USP47: variants seen among roughly 807,000 people sequenced by gnomAD.
USP47 encodes ubiquitin carboxyl-terminal hydrolase 47.
USP47 carries 35 observed loss-of-function variants against 165.1 expected under a neutral mutation model. That is an observed-to-expected ratio of 0.21 (90% confidence interval 0.16 to 0.28). The LOEUF (loss-of-function observed/expected upper bound fraction) is 0.28. USP47 is among the 10% of genes least tolerant of loss of function. The pLI, the probability that USP47 is intolerant of heterozygous loss-of-function variation, is 1.00. For synonymous variants in USP47, 531 were observed against 544.5 expected (o/e 0.98, Z 0.35); for missense variants, 1,277 against 1,607.4 (o/e 0.79, Z 3.52).
chr11:11,871,501 CAAAAAAAAAAA>C lies in USP47; in HGVS notation c.40-8649_40-8639del, dbSNP rs71037046. Among the ~76,000 whole-genome samples, 140 of 63,136 alleles carry C rather than the reference CAAAAAAAAAAA, an allele frequency of 2.2e-3. 1 individual carries two copies. The highest frequency in any genetic ancestry group is 4.2e-3 in the Non-Finnish European group (124 of 29,766). The allele number at this position is 63,136 out of a possible 152,430, so 41.4% of individuals were successfully genotyped here. On this transcript the variant is annotated intron_variant, in intron 1 of 27. Transcript: ENST00000527733. ...CTGGCAACAGAGCGAAACTCCCTCT[CAAAAAAAAAAA>C]AAAAAAAAAAAAAAAAAAAAAAAAA...
In USP47 at chr11:11,886,315, T is replaced by C. The variant is rs569889970; in HGVS notation, c.357+1735T>C. Among the ~76,000 whole-genome samples, 3 of 152,272 alleles carry C rather than the reference T, an allele frequency of 2.0e-5. No homozygotes were observed. The South Asian group carries it at 6.2e-4, about 32-fold the overall frequency. On this transcript the variant is annotated intron_variant, in intron 3 of 27. Coordinates refer to ENST00000527733, the MANE Select transcript of USP47 (RefSeq NM_001282659.2). The stretch of plus-strand genomic sequence containing the variant: ...CAAACTTTGCTGAGCTAAAGGAGCA[T>C]GTTGTAACCTAATGTAAAGAAGCTA...
chr11:11,882,794 T>A (rs140524251), intron 2 of USP47, among the ~76,000 whole-genome samples: 1 of 152,306 alleles, frequency 6.6e-6, no homozygotes, highest in East Asian at 1.9e-4. Context: ...ATGTCAGCAT[T>A]TTCATTACAG....
In USP47 at chr11:11,930,103, T is replaced by C. The variant is rs780455222; in HGVS notation, c.1578T>C (p.Tyr526=). The change falls in exon 13 of 28, where the codon TAT becomes TAC. Residue 526 remains tyrosine (Y), a synonymous_variant. Transcript: ENST00000527733. ...HGGSSGSRGY[Y]SSAFASSTNA... ...GATCTTCAGGAAGCAGAGGATATTA[T>C]TCTAGTGCTTTCGCAAGGTAAGCAA... 6.2e-7 allele frequency: 1 copy of C among 1,612,882 alleles called. No individual in the cohort carries two copies. The highest frequency in any genetic ancestry group is 8.5e-7 in the Non-Finnish European group (1 of 1,179,020).
chr11:11,928,209 T>G (rs911840180), intron 11 of USP47, among the ~76,000 whole-genome samples: 1 of 152,048 alleles, frequency 6.6e-6, no homozygotes, highest in African/African-American at 2.4e-5. Context: ...GTCTAGTGTA[T>G]TTACTACATT....
At chr11:11,947,115 T>C (rs1423090963) in intron 20 of USP47, among the ~76,000 whole-genome samples, 1 of 152,212 alleles carries the variant, frequency 6.6e-6, no homozygotes, top group Admixed American at 6.5e-5. Context: ...GAGTCTGGTT[T>C]CTGCTTTCTT....
At chr11:11,934,366 C>T (rs1314730152) in intron 16 of USP47, among the ~76,000 whole-genome samples, 3 of 152,096 alleles carry the variant, frequency 2.0e-5, no homozygotes, top group Non-Finnish European at 2.9e-5. Context: ...ACTTAAACAT[C>T]ACAGTTTGCA....
chr11:11,947,286 G>T (rs991844040), intron 20 of USP47, among the ~76,000 whole-genome samples: 1 of 152,080 alleles, frequency 6.6e-6, no homozygotes, highest in Non-Finnish European at 1.5e-5. Context: ...AATTTAAGCC[G>T]GGAAGAGGTA....
At chr11:11,923,111 C>G (rs185746690) in intron 11 of USP47, among the ~76,000 whole-genome samples, 1 of 134,120 alleles carries the variant, frequency 7.5e-6, no homozygotes, top group Admixed American at 7.6e-5. Flanking sequence ...TCAGGAAAAA[C>G]TGCTTACAGG....
rs778542571 is a variant in USP47 at position 11,942,385 on chromosome 11, C to T, written c.2364C>T (p.Asp788=). Reference sequence around the variant, plus strand: ...TGGATTACCAGATGGCCTTTGCAGACTCTCATTTATGGAAACTCCTGGATC... The same window carrying T: ...TGGATTACCAGATGGCCTTTGCAGATTCTCATTTATGGAAACTCCTGGATC... The part of the protein sequence containing the change: ...ETLDYQMAFA[D]SHLWKLLDRH... Residue 788 remains aspartate (D), a synonymous_variant, in exon 20 of 28, where the codon GAC becomes GAT. Coordinates refer to ENST00000527733, the MANE Select transcript of USP47 (RefSeq NM_001282659.2). 1 of 1,612,846 alleles carries T rather than the reference C, an allele frequency of 6.2e-7. No individual in the cohort carries two copies. Among genetic ancestry groups the T allele is most frequent in the Non-Finnish European group, 8.5e-7 (1 of 1,179,364 alleles).
chr11:11,892,818 TAA>T (rs778720093), intron 4 of USP47, among the ~76,000 whole-genome samples: 4 of 80,180 alleles, frequency 5.0e-5, no homozygotes, highest in Non-Finnish European at 6.9e-5. Context: ...CTGTCTCAAG[TAA>T]AAAAAAAAAA....
chr11:11,922,656 T>TACGAAA, intron 10 of USP47, 68 bp from the exon 11 acceptor site: 4 of 1,338,772 alleles, frequency 3.0e-6, no homozygotes, highest in Non-Finnish European at 4.0e-6. Context: ...AGTATATAGG[T>TACGAAA]ACAAAGTTTT....
At position 11,884,572 on chromosome 11, in the gene USP47, A is replaced by G; in HGVS notation, c.349A>G (p.Ile117Val). 1 of 1,605,664 alleles carries G rather than the reference A, an allele frequency of 6.2e-7. No individual in the cohort carries two copies. Among genetic ancestry groups the G allele is most frequent in the Non-Finnish European group, 8.5e-7 (1 of 1,177,282 alleles). ...AGATAAAGATGGTGAACAACCTCAAATACTGCTGGTAAGCTACTTAGAAAG... is the reference window on the plus strand; with the variant it reads ...AGATAAAGATGGTGAACAACCTCAAGTACTGCTGGTAAGCTACTTAGAAAG... ...LTDKDGEQPQ[I>V]LLEDSSAGED... The change falls in exon 3 of 28, where the codon ATA (isoleucine) becomes GTA (valine). Residue 117 changes from isoleucine (I) to valine (V), a missense_variant. This residue lies in a region of USP47 where 181 missense variants were observed against 194.7 expected (regional missense o/e 0.93). Coordinates refer to ENST00000527733, the MANE Select transcript of USP47 (RefSeq NM_001282659.2).
At chr11:11,917,662 A>C (rs891991485) in intron 8 of USP47, among the ~76,000 whole-genome samples, 8 of 152,054 alleles carry the variant, frequency 5.3e-5, no homozygotes, top group African/African-American at 1.9e-4. Context: ...GGGTGGGAAA[A>C]AAAGAGGTCC....
In USP47 at chr11:11,942,832, G is replaced by A. The variant is rs1209711691; in HGVS notation, c.2811G>A (p.Val937=). The A allele has an allele frequency of 6.2e-7, 1 of 1,613,686 alleles. No homozygotes were observed. The highest frequency in any genetic ancestry group is 1.1e-5 in the South Asian group (1 of 91,058). The part of the protein sequence containing the change: ...DVNNDRSTSS[V]DSDILSSSHS... ...ATAATGACAGGAGTACAAGTTCAGT[G>A]GACAGTGATATTCTTAGCTCCAGTC... The change falls in exon 20 of 28, where the codon GTG becomes GTA. Residue 937 remains valine, a synonymous_variant. Transcript: ENST00000527733.
chr11:11,858,247 G>A (rs184911476), intron 1 of USP47, among the ~76,000 whole-genome samples: 4 of 151,642 alleles, frequency 2.6e-5, no homozygotes, highest in Non-Finnish European at 4.4e-5. Flanking sequence ...CACCGGTAAC[G>A]GTTAAATACT....
At chr11:11,882,342 T>C (rs1850886141) in intron 2 of USP47, among the ~76,000 whole-genome samples, 1 of 152,196 alleles carries the variant, frequency 6.6e-6, no homozygotes, top group Non-Finnish European at 1.5e-5. Context: ...TTGGAGTACA[T>C]ATTTTAAGTT....
intron 1 of USP47, among the ~76,000 whole-genome samples, chr11:11,873,227 T>A (rs572525716): frequency 6.6e-6 from 1 of 152,148 alleles, no homozygotes; most frequent in South Asian, 2.1e-4. Flanking sequence ...AGACAAAATA[T>A]GTACAGAAAA....
chr11:11,919,850 A>G (rs966718575), intron 8 of USP47, among the ~76,000 whole-genome samples: 4 of 151,892 alleles, frequency 2.6e-5, no homozygotes, highest in African/African-American at 7.2e-5. Flanking sequence ...CTAAGGACTG[A>G]GGATATTTTT....
intron 4 of USP47, among the ~76,000 whole-genome samples, chr11:11,895,883 G>A (rs917318554): frequency 1.3e-5 from 2 of 151,974 alleles, no homozygotes; most frequent in Non-Finnish European, 2.9e-5. Context: ...TCTACTGGAT[G>A]GTATATGTTC....
Sources: allele counts gnomAD v4.1 joint callset (sites outside exome capture counted in the v4.1 genomes callset), GRCh38; gene constraint gnomAD v4.1.1; regional missense constraint gnomAD v4.1.1; transcripts MANE v1.5; gene names NCBI Gene and HGNC (gene_info 2026-07-23, HGNC 2026-07-21).